Variants in MACF1 observed in about 807,000 individuals in gnomAD.
MACF1 encodes the protein microtubule-actin cross-linking factor 1.
Under a neutral mutation model 854.8 loss-of-function variants are expected in MACF1, and 193 were observed. That is an observed-to-expected ratio of 0.23 (90% CI 0.20 to 0.25). The LOEUF (loss-of-function observed/expected upper bound fraction) is 0.25, where lower values mean the gene tolerates loss of function less well. Among genes scored for constraint, MACF1 ranks in the 10% least tolerant of loss-of-function variants. The pLI, the probability that MACF1 is intolerant of heterozygous loss-of-function variation, is 1.00. For synonymous variants in MACF1, 3,185 were observed against 3,226.7 expected (o/e 0.99, Z 0.44); for missense variants, 7,722 against 8,929.1 (o/e 0.86, Z 5.45).
chr1:39,137,010 A>T lies in MACF1; in HGVS notation c.220+52572A>T, dbSNP rs188936658. 2.2e-4 allele frequency among the ~76,000 whole-genome samples: 34 copies of T among 152,258 alleles called. No individual in the cohort carries two copies. The East Asian group carries it at 6.0e-3, about 27-fold the overall frequency. The stretch of plus-strand genomic sequence containing the variant: ...AAAATATTTGACATGACCAAGTTAT[A>T]TTTACCCTTTGTCAACTAAAAATTG... On this transcript the variant is annotated intron_variant, in intron 2 of 93. Coordinates refer to the MACF1 transcript ENST00000361689.
chr1:39,187,895 T>TCTGTCTCTCTGTCTCTCTCTCTC (rs1553160207), intron 2 of MACF1, among the ~76,000 whole-genome samples: 24 of 68,398 alleles, frequency 3.5e-4, no homozygotes, highest in Non-Finnish European at 6.5e-4. Context: ...TCTCTCTCTC[T>TCTGTCTCTCTGTCTCTCTCTCTC]CTCTCTCCTC....
chr1:39,293,335 G>GA (rs2148401991), intron 17 of MACF1, 123 bp from the exon 18 acceptor site: 1 of 930,154 alleles, frequency 1.1e-6, no homozygotes, highest in East Asian at 2.5e-5. Flanking sequence ...AATCCATGGG[G>GA]AAAAATCCAG....
At position 39,331,836 on chromosome 1, in the gene MACF1, C is replaced by T. The variant is rs987006562; in HGVS notation, c.5248C>T (p.Arg1750Cys). ...ATCAGGCCGGAAGGTTAGCATTTTC[C>T]GTGCAGTTCAGGAAGGGCTAATAGA... ...LKSGRKVSIF[R>C]AVQEGLIDRQ... is the part of the protein sequence containing the mutation. The change falls in exon 37 of 101, where the codon CGT becomes TGT. Residue 1750 changes from arginine to cysteine, a missense_variant. Physicochemically the swap from Arg to Cys is radical, Grantham distance 180. This residue lies in a region of MACF1 where 1,531 missense variants were observed against 1,601.6 expected (regional missense o/e 0.96). Transcript: ENST00000564288. 12 of 1,613,976 alleles carry T rather than the reference C, an allele frequency of 7.4e-6. No individual in the cohort carries two copies. Among genetic ancestry groups the T allele is most frequent in the Middle Eastern group, 1.6e-4 (1 of 6,084 alleles).
intron 6 of MACF1, 97 bp from the exon 7 acceptor site, chr1:39,282,111 C>T (rs372911077): frequency 7.7e-7 from 1 of 1,291,102 alleles, no homozygotes; most frequent in Admixed American, 2.1e-5. Flanking sequence ...CAGCCTTGGA[C>T]CTTCGTTTTA....
Position 39,387,356 on chromosome 1 carries a change from G to T in MACF1, c.14514G>T (p.Glu4838Asp). The change falls in exon 58 of 101, where the codon GAG becomes GAT. Residue 4838 changes from glutamate (E) to aspartate (D), a missense_variant. Coordinates refer to ENST00000564288, the MANE Select transcript of MACF1 (RefSeq NM_001394062.1). ...RLQSQLQENE[E>D]FQKSLNQHSG... ...AGTCTCAGCTACAGGAGAATGAAGA[G>T]TTTCAGAAAAGTCTTAATCAACACA... 6.2e-7 allele frequency: 1 copy of T among 1,614,184 alleles called. No individual in the cohort carries two copies. The highest frequency in any genetic ancestry group is 1.3e-5 in the African/African-American group (1 of 75,042).
chr1:39,201,772 G>A (rs1644392275), upstream of MACF1, among the ~76,000 whole-genome samples: 1 of 152,028 alleles, frequency 6.6e-6, no homozygotes, highest in South Asian at 2.1e-4. Context: ...ACAGCCATAG[G>A]TGATCTGACC....
chr1:39,332,496 C>T lies in MACF1; in HGVS notation c.5908C>T (p.His1970Tyr), dbSNP rs755030165. 13 of 1,613,900 alleles carry T rather than the reference C, an allele frequency of 8.1e-6. No homozygotes were observed. The African/African-American group carries it at 9.3e-5, about 12-fold the overall frequency. Residue 1970 changes from histidine (H) to tyrosine (Y), a missense_variant, in exon 37 of 101, where the codon CAC becomes TAC. Coordinates refer to ENST00000564288, the MANE Select transcript of MACF1 (RefSeq NM_001394062.1). ...SENLLFQLMT[H>Y]SYINVQNGQR... is the part of the protein sequence containing the mutation. ...GAATCTGTTGTTCCAGCTGATGACT[C>T]ACAGCTATATTAATGTGCAAAATGG...
At chr1:39,262,570 G>A (rs1379065305) in intron 6 of MACF1, among the ~76,000 whole-genome samples, 1 of 152,128 alleles carries the variant, frequency 6.6e-6, no homozygotes, top group South Asian at 2.1e-4. Flanking sequence ...ATGGAACACA[G>A]TATGAACTCA....
intron 2 of MACF1, among the ~76,000 whole-genome samples, chr1:39,111,247 C>T (rs1035236829): frequency 2.0e-5 from 3 of 152,146 alleles, no homozygotes; most frequent in Non-Finnish European, 2.9e-5. Flanking sequence ...TGTCAGAGTG[C>T]AGTTGATACC....
chr1:39,232,742 CTT>C lies in MACF1; in HGVS notation c.171+1501_171+1502del, dbSNP rs1491338943. 3.7e-3 allele frequency among the ~76,000 whole-genome samples: 205 copies of C among 55,986 alleles called. 2 individuals carry two copies. Among genetic ancestry groups the C allele is most frequent in the Middle Eastern group, 0.029 (3 of 104 alleles). The allele number at this position is 55,986 out of a possible 152,430, so 36.7% of individuals were successfully genotyped here. A position where few individuals can be genotyped will look rare whatever the true frequency, so the allele number is the denominator to read the frequency against. ...TATCAGAAAACTACTCTCATACTCT[CTT>C]TGTTTTTTTTTTTTTTTTTTTTTTG... is the stretch of plus-strand genomic sequence containing the variant. On this transcript the variant is annotated intron_variant, in intron 2 of 100. Coordinates refer to ENST00000564288, the MANE Select transcript of MACF1 (RefSeq NM_001394062.1).
intron 52 of MACF1, among the ~76,000 whole-genome samples, chr1:39,374,940 C>T (rs914635457): frequency 2.0e-5 from 3 of 151,958 alleles, no homozygotes; most frequent in Non-Finnish European, 4.4e-5. Flanking sequence ...GAAACCTCGT[C>T]TCTACTAAAA....
chr1:39,349,421 T>A (rs1038994449), intron 41 of MACF1, 57 bp from the exon 42 acceptor site: 68 of 1,538,546 alleles, frequency 4.4e-5, no homozygotes, highest in Non-Finnish European at 5.6e-5. Context: ...GGGAGTTTCT[T>A]GTATTTGCAA....
intron 1 of MACF1, among the ~76,000 whole-genome samples, chr1:39,223,902 C>G (rs1318616510): frequency 6.6e-6 from 1 of 152,142 alleles, no homozygotes. Flanking sequence ...AGAAAGGTTG[C>G]TGACACCATT....
Position 39,461,974 on chromosome 1 carries a change from T to C in MACF1, c.21615T>C (p.Ala7205=), listed in dbSNP as rs1644564469. 2.5e-6 allele frequency: 4 copies of C among 1,613,956 alleles called. No homozygotes were observed. Among genetic ancestry groups the C allele is most frequent in the Non-Finnish European group, 3.4e-6 (4 of 1,180,006 alleles). ...ACATTGATTATTATGAATTTGTGGC[T>C]GCTCTTCATCCCAACAAGGATGCGT... is the stretch of plus-strand genomic sequence containing the variant. ...DGYIDYYEFV[A]ALHPNKDAYR... Residue 7205 remains alanine (A), a synonymous_variant, in exon 93 of 101, where the codon GCT becomes GCC. Transcript: ENST00000564288.
chr1:39,358,910 C>T (rs749697119), intron 46 of MACF1, 37 bp downstream of exon 46: 1 of 1,566,926 alleles, frequency 6.4e-7, no homozygotes, highest in Admixed American at 2.1e-5. Flanking sequence ...GGTGTCAAGA[C>T]CTTGTATTCC....
chr1:39,433,132 G>A lies in MACF1; in HGVS notation c.17542G>A (p.Glu5848Lys), dbSNP rs1643901962. ...TAGTGAAATCTTTGGCACATGTGGG[G>A]AGGAGCAAAAAACTGTATTACAGGT... ...HRSEIFGTCG[E>K]EQKTVLQEKT... Residue 5848 changes from glutamate (E) to lysine (K), a missense_variant, in exon 68 of 101, where the codon GAG becomes AAG. This residue lies in a region of MACF1 where 2,807 missense variants were observed against 3,235.8 expected (regional missense o/e 0.87). Transcript: ENST00000564288. 1 of 1,607,938 alleles carries A rather than the reference G, an allele frequency of 6.2e-7. No individual in the cohort carries two copies. The highest frequency in any genetic ancestry group is 8.5e-7 in the Non-Finnish European group (1 of 1,176,284).
chr1:39,184,744 CAG>C (rs1644145559), intron 2 of MACF1, among the ~76,000 whole-genome samples: 2 of 152,020 alleles, frequency 1.3e-5, no homozygotes, highest in South Asian at 4.1e-4. Flanking sequence ...ATGCACCTAC[CAG>C]AGTCTGTGTG....
Position 39,176,109 on chromosome 1 carries a change from C to CAAAAAAAAAA in MACF1, c.221-55064_221-55055dup, listed in dbSNP as rs773763271. On this transcript the variant is annotated intron_variant, in intron 2 of 93. Transcript: ENST00000361689. Reference sequence around the variant, plus strand: ...TGGGCGACAGAGCGAGACTCCTTCTCAAAAAAAAAAAAAAAAAAGCCAGGT... The same window carrying CAAAAAAAAAA: ...TGGGCGACAGAGCGAGACTCCTTCTCAAAAAAAAAAAAAAAAAAAAAAAAAAAAGCCAGGT... Among the ~76,000 whole-genome samples the CAAAAAAAAAA allele has an allele frequency of 4.5e-3, 60 of 13,342 alleles. 16 individuals carry two copies. Among genetic ancestry groups the CAAAAAAAAAA allele is most frequent in the East Asian group, 0.023 (2 of 86 alleles). 8.8% of individuals were successfully genotyped at this position (13,342 alleles called of 152,430 possible).
chr1:39,469,939 G>A (rs1289438224), intron 97 of MACF1, among the ~76,000 whole-genome samples: 1 of 151,596 alleles, frequency 6.6e-6, no homozygotes, highest in Non-Finnish European at 1.5e-5. Context: ...TACAGAATAG[G>A]AAATTGAGGC....
Sources: allele counts gnomAD v4.1 joint callset (sites outside exome capture counted in the v4.1 genomes callset), GRCh38; gene constraint gnomAD v4.1.1; regional missense constraint gnomAD v4.1.1; transcripts MANE v1.5; gene names NCBI Gene and HGNC (gene_info 2026-07-23, HGNC 2026-07-21).